The following NR1H4 variants were observed in gnomAD, a reference collection of about 807,000 sequenced individuals.
NR1H4 encodes nuclear receptor subfamily 1 group H member 4.
A neutral mutation model predicts 58.5 loss-of-function variants in NR1H4; 23 were observed. That is an observed-to-expected ratio of 0.39 (90% CI 0.28 to 0.56). NR1H4 has a LOEUF of 0.56. NR1H4 is among the 20% of genes least tolerant of loss of function. The pLI is 0.58. For missense variants in NR1H4, 487 were observed against 576.9 expected (o/e 0.84, Z 1.60); for synonymous variants, 214 against 198.0 (o/e 1.08, Z -0.68).
At chr12:100,544,345 T>C (rs768144080) in intron 9 of NR1H4, among the ~76,000 whole-genome samples, 6 of 151,938 alleles carry the variant, frequency 3.9e-5, no homozygotes, top group Admixed American at 6.6e-5. Context: ...ACAAAACTTA[T>C]TCATTTTACT....
rs900024460 is a variant in NR1H4, at chr12:100,482,318, C to T, written c.-190+8259C>T. Among the ~76,000 whole-genome samples the T allele has an allele frequency of 3.3e-5, 5 of 152,012 alleles. No homozygotes were observed. In the East Asian group the frequency reaches 5.8e-4, roughly 18 times the overall value. On this transcript the variant is annotated intron_variant, in intron 1 of 10. Coordinates refer to ENST00000392986, the MANE Select transcript of NR1H4 (RefSeq NM_001206979.2). Reference sequence around the variant, plus strand: ...ATGTGACAAAAAAAAAATCCTTCTTCGGCTCTTGTGTGTATTGTGTTGTAT... The same window carrying T: ...ATGTGACAAAAAAAAAATCCTTCTTTGGCTCTTGTGTGTATTGTGTTGTAT...
At chr12:100,488,193 A>G (rs955701778) in intron 1 of NR1H4, among the ~76,000 whole-genome samples, 6 of 147,222 alleles carry the variant, frequency 4.1e-5, no homozygotes, top group African/African-American at 1.3e-4. Flanking sequence ...TAGAGATGAG[A>G]TTCCTCATGT....
chr12:100,496,060 A>G (rs1309598163), intron 3 of NR1H4, among the ~76,000 whole-genome samples: 1 of 152,176 alleles, frequency 6.6e-6, no homozygotes, highest in Non-Finnish European at 1.5e-5. Context: ...TGTTGTTATA[A>G]TAAAGGCAAA....
chr12:100,561,745 T>C, intron 9 of NR1H4, 140 bp from the exon 10 acceptor site: 2 of 599,874 alleles, frequency 3.3e-6, no homozygotes, highest in South Asian at 2.0e-5. Context: ...TTTGGACATA[T>C]AATAAAAATA....
intron 3 of NR1H4, among the ~76,000 whole-genome samples, chr12:100,504,137 T>C (rs1953902453): frequency 6.6e-6 from 1 of 152,164 alleles, no homozygotes; most frequent in Non-Finnish European, 1.5e-5. Flanking sequence ...CAATAGTCCA[T>C]GAAAAATCAG....
chr12:100,479,518 G>A (rs1953335488), intron 1 of NR1H4, among the ~76,000 whole-genome samples: 1 of 152,204 alleles, frequency 6.6e-6, no homozygotes, highest in Admixed American at 6.5e-5. Context: ...TCAGAACACA[G>A]CATGCTATTT....
chr12:100,513,809 G>A (rs1415121940), intron 4 of NR1H4, among the ~76,000 whole-genome samples: 3 of 9,630 alleles, frequency 3.1e-4, no homozygotes, highest in Admixed American at 2.3e-3. Context: ...AGAAAGGAAG[G>A]AAGGAAGGAA....
Position 100,510,820 on chromosome 12 carries a change from T to C in NR1H4, c.122T>C (p.Leu41Pro), listed in dbSNP as rs1593071421. The C allele has an allele frequency of 6.2e-7, 1 of 1,614,120 alleles. No homozygotes were observed. Among genetic ancestry groups the C allele is most frequent in the East Asian group, 2.2e-5 (1 of 44,882 alleles). The change falls in exon 4 of 11, where the codon CTG (leucine) becomes CCG (proline). Residue 41 changes from leucine to proline, a missense_variant. Coordinates refer to ENST00000392986, the MANE Select transcript of NR1H4 (RefSeq NM_001206979.2). Reference protein sequence around the residue: ...EQVAGPLGQNLEVEPYSQYSN... With the variant: ...EQVAGPLGQNPEVEPYSQYSN... ...GTGGCAGGTCCTCTGGGACAGAACCTGGAAGTGGAACCATACTCGCAATAC... is the reference window on the plus strand; with the variant it reads ...GTGGCAGGTCCTCTGGGACAGAACCCGGAAGTGGAACCATACTCGCAATAC...
intron 4 of NR1H4, among the ~76,000 whole-genome samples, chr12:100,527,815 A>G (rs1287501512): frequency 6.6e-6 from 1 of 152,152 alleles, no homozygotes; most frequent in African/African-American, 2.4e-5. Flanking sequence ...GTCCCTACAA[A>G]GGACATGAAC....
chr12:100,506,016 C>CACAA (rs1953953554), intron 3 of NR1H4, among the ~76,000 whole-genome samples: 1 of 144,602 alleles, frequency 6.9e-6, no homozygotes, highest in Non-Finnish European at 1.5e-5. Flanking sequence ...CACACACACA[C>CACAA]ACACACACAC....
At chr12:100,517,647 C>T (rs1433325413) in intron 4 of NR1H4, among the ~76,000 whole-genome samples, 2 of 152,170 alleles carry the variant, frequency 1.3e-5, no homozygotes, top group African/African-American at 4.8e-5. Flanking sequence ...ACACTCCCAC[C>T]AGCAGTAAGG....
chr12:100,539,560 T>C (rs1954889592), intron 8 of NR1H4, among the ~76,000 whole-genome samples: 1 of 152,236 alleles, frequency 6.6e-6, no homozygotes, highest in African/African-American at 2.4e-5. Context: ...CTGATGGTGT[T>C]ATCTCTATTC....
intron 9 of NR1H4, among the ~76,000 whole-genome samples, chr12:100,545,670 C>CAAAA (rs1491260773): frequency 1.1e-5 from 1 of 87,178 alleles, no homozygotes; most frequent in Non-Finnish European, 2.2e-5. Flanking sequence ...AAAAAAAAAA[C>CAAAA]CAAACGGGGG....
In NR1H4 at chr12:100,563,354, A is replaced by G. The variant is rs748869964; in HGVS notation, c.1296A>G (p.Gln432=). 2 of 1,614,122 alleles carry G rather than the reference A, an allele frequency of 1.2e-6. No homozygotes were observed. Among genetic ancestry groups the G allele is most frequent in the South Asian group, 1.1e-5 (1 of 91,066 alleles). ...LCKIHQPENP[Q]HFACLLGRLT... ...AGATTCACCAGCCTGAAAATCCTCA[A>G]CACTTTGCCTGTCTCCTGGGTCGCC... The change falls in exon 11 of 11, where the codon CAA becomes CAG. Residue 432 remains glutamine (Q), a synonymous_variant. Transcript: ENST00000392986.
chr12:100,505,475 C>T (rs1953938073), intron 3 of NR1H4: 5 of 627,332 alleles, frequency 8.0e-6, no homozygotes, highest in East Asian at 2.8e-5. Context: ...GGTACAGAAC[C>T]CTTCTATCAC....
chr12:100,496,990 C>A (rs1445037298), intron 3 of NR1H4, among the ~76,000 whole-genome samples: 2 of 151,974 alleles, frequency 1.3e-5, no homozygotes, highest in Admixed American at 1.3e-4. Flanking sequence ...CAAATGAGGA[C>A]TTGTGTGAAG....
chr12:100,531,983 A>G (rs1954704464), intron 4 of NR1H4, among the ~76,000 whole-genome samples: 1 of 152,090 alleles, frequency 6.6e-6, no homozygotes, highest in Non-Finnish European at 1.5e-5. Flanking sequence ...TCTTCATCCC[A>G]AACTGAGGAA....
Position 100,493,344 on chromosome 12 carries a change from C to T in NR1H4, c.21C>T (p.Leu7=). 6.4e-7 allele frequency: 1 copy of T among 1,572,854 alleles called. No individual in the cohort carries two copies. Among genetic ancestry groups the T allele is most frequent in the Non-Finnish European group, 8.7e-7 (1 of 1,147,214 alleles). ...TTTGGATGGGATCAAAAATGAATCTCATTGAACATTCCCATTTACCTACCA... is the reference window on the plus strand; with the variant it reads ...TTTGGATGGGATCAAAAATGAATCTTATTGAACATTCCCATTTACCTACCA... MGSKMN[L]IEHSHLPTTD... is the part of the protein sequence containing the mutation. The change falls in exon 3 of 11, where the codon CTC becomes CTT. Residue 7 remains leucine, a synonymous_variant. Transcript: ENST00000392986.
At chr12:100,503,222 A>G in intron 3 of NR1H4, 1 of 798,438 alleles carries the variant, frequency 1.3e-6, no homozygotes, top group Non-Finnish European at 1.8e-6. Flanking sequence ...ATGTTTATCT[A>G]AGAGACTGGT....
Sources: gnomAD v4.1 joint callset for allele counts (sites outside exome capture counted in the v4.1 genomes callset) on GRCh38, gnomAD v4.1.1 for gene constraint, MANE v1.5 for transcripts, NCBI Gene and HGNC (gene_info 2026-07-23, HGNC 2026-07-21) for gene names.